The following UNC13B variants were observed in gnomAD, a reference collection of about 807,000 sequenced individuals.
UNC13B encodes the protein protein unc-13 homolog B.
UNC13B carries 144 observed loss-of-function variants against 211.0 expected under a neutral mutation model. That is an observed-to-expected ratio of 0.68 (90% confidence interval 0.60 to 0.78). The LOEUF is 0.78. UNC13B is among the 30% of genes least tolerant of loss of function. UNC13B has a pLI of 0.00. For missense variants in UNC13B, 1,777 were observed against 2,002.0 expected, an observed-to-expected ratio of 0.89 and a Z score of 2.14; for synonymous variants, 709 against 725.8, an observed-to-expected ratio of 0.98 and a Z score of 0.37.
At chr9:35,369,990 G>A (rs1356676413) in intron 12 of UNC13B, among the ~76,000 whole-genome samples, 1 of 152,162 alleles carries the variant, frequency 6.6e-6, no homozygotes, top group Non-Finnish European at 1.5e-5. Context: ...GCCCTCTTGA[G>A]TGCCAATTCC....
At chr9:35,236,786 C>T (rs117027986) in intron 4 of UNC13B, among the ~76,000 whole-genome samples, 200 bp downstream of exon 4, 6,482 of 152,274 alleles carry the variant, frequency 0.043, 195 homozygotes, top group Non-Finnish European at 0.066. Context: ...ACCCTGTGTC[C>T]TGTGACAACT....
At chr9:35,187,095 A>G (rs1195696894) in intron 1 of UNC13B, among the ~76,000 whole-genome samples, 3 of 152,224 alleles carry the variant, frequency 2.0e-5, no homozygotes, top group Non-Finnish European at 4.4e-5. Flanking sequence ...AGGTGCTACC[A>G]TCTATAGGTC....
At chr9:35,333,378 T>G (rs1432423401) in intron 11 of UNC13B, among the ~76,000 whole-genome samples, 2 of 152,206 alleles carry the variant, frequency 1.3e-5, no homozygotes, top group Admixed American at 1.3e-4. Flanking sequence ...CTGTGTAACC[T>G]TAGGCTTAGG....
intron 15 of UNC13B, among the ~76,000 whole-genome samples, chr9:35,376,458 G>A (rs553347023): frequency 3.9e-5 from 6 of 152,300 alleles, no homozygotes; most frequent in South Asian, 2.1e-4. Flanking sequence ...AGCACCTTTA[G>A]GAAAAATTCT....
intron 1 of UNC13B, among the ~76,000 whole-genome samples, chr9:35,211,199 A>C (rs1823947669): frequency 6.6e-6 from 1 of 152,222 alleles, no homozygotes; most frequent in Non-Finnish European, 1.5e-5. Flanking sequence ...AAATCTTCTC[A>C]TGTCTTCCTC....
intron 6 of UNC13B, among the ~76,000 whole-genome samples, chr9:35,245,340 T>TTTTTTTTTTAATTTTTAATTTTTTAA (rs1445627311): frequency 5.9e-5 from 9 of 151,976 alleles, no homozygotes; most frequent in African/African-American, 2.2e-4. Context: ...GCTTTCTGTT[T>TTTTTTTTTTAATTTTTAATTTTTTAA]TTTTTTTTTA....
chr9:35,280,759 C>G (rs771456676), intron 7 of UNC13B, among the ~76,000 whole-genome samples: 26 of 152,206 alleles, frequency 1.7e-4, no homozygotes, highest in Non-Finnish European at 2.4e-4. Flanking sequence ...TTATTTCTAT[C>G]CTGGCTTCCT....
intron 1 of UNC13B, among the ~76,000 whole-genome samples, chr9:35,216,833 G>A (rs1195732922): frequency 6.6e-6 from 1 of 152,112 alleles, no homozygotes; most frequent in Non-Finnish European, 1.5e-5. Flanking sequence ...TGGCATATTG[G>A]ATATAAAAAC....
intron 6 of UNC13B, among the ~76,000 whole-genome samples, chr9:35,252,173 T>A (rs1413239957): frequency 6.6e-6 from 1 of 152,198 alleles, no homozygotes; most frequent in Non-Finnish European, 1.5e-5. Flanking sequence ...AGTTCATTTT[T>A]GTGATAGAGG....
In UNC13B at chr9:35,386,238, C is replaced by CAT; in HGVS notation, c.11042_11043dup (p.Glu3682MetfsTer18). On this transcript the variant is annotated frameshift_variant, in exon 24 of 40. Transcript: ENST00000635942. LOFTEE classifies it high-confidence loss of function. ...TGTGTGAAGGCCTGTTTGAACTCCA[C>CAT]ATATGAATATATCTTCAACAACTGC... 6.2e-7 allele frequency: 1 copy of CAT among 1,614,194 alleles called. No homozygotes were observed. The highest frequency in any genetic ancestry group is 8.5e-7 in the Non-Finnish European group (1 of 1,180,028).
Position 35,349,920 on chromosome 9 carries a change from A to G in UNC13B, c.9415-17027A>G, listed in dbSNP as rs1028100744. On this transcript the variant is annotated intron_variant, in intron 11 of 39. Coordinates refer to ENST00000635942, the MANE Select transcript of UNC13B (RefSeq NM_001371189.2). ...TTCTTTAAGGCATTTTCCCACTTTTAGGATTAACTTGAGTACTGGGAAAAT... is the reference window on the plus strand; with the variant it reads ...TTCTTTAAGGCATTTTCCCACTTTTGGGATTAACTTGAGTACTGGGAAAAT... Among the ~76,000 whole-genome samples the G allele has an allele frequency of 5.3e-5, 8 of 152,196 alleles. No individual in the cohort carries two copies. In the South Asian group the frequency reaches 1.4e-3, roughly 28 times the overall value.
intron 9 of UNC13B, among the ~76,000 whole-genome samples, chr9:35,309,222 AGTGTGTGTGTGTGTGT>A (rs5897599): frequency 8.3e-5 from 12 of 145,248 alleles, no homozygotes; most frequent in East Asian, 2.0e-4. Context: ...GGTCAGGGTC[AGTGTGTGTGTGTGTGT>A]GTGTGTGTGT....
chr9:35,381,255 G>A, intron 19 of UNC13B, 40 bp downstream of exon 19: 1 of 1,552,792 alleles, frequency 6.4e-7, no homozygotes, highest in Non-Finnish European at 8.8e-7. Context: ...AGAAAGCAGT[G>A]CTGGGAGAGG....
chr9:35,192,477 C>T (rs754726561), intron 1 of UNC13B, among the ~76,000 whole-genome samples: 77 of 152,184 alleles, frequency 5.1e-4, no homozygotes, highest in Non-Finnish European at 2.4e-4. Context: ...AGGTTAAACA[C>T]CTGAGTTAAA....
At chr9:35,282,586 C>G (rs971871463) in intron 7 of UNC13B, among the ~76,000 whole-genome samples, 6 of 152,064 alleles carry the variant, frequency 3.9e-5, no homozygotes, top group African/African-American at 1.4e-4. Context: ...CACATGCCAC[C>G]ACACCCGGAT....
intron 1 of UNC13B, among the ~76,000 whole-genome samples, chr9:35,205,011 G>T (rs922125906): frequency 6.6e-6 from 1 of 152,160 alleles, no homozygotes; most frequent in African/African-American, 2.4e-5. Context: ...GGAGGTGATG[G>T]ATAATGGGGT....
intron 1 of UNC13B, among the ~76,000 whole-genome samples, chr9:35,163,034 A>G (rs1483437339): frequency 5.9e-5 from 9 of 152,214 alleles, no homozygotes; most frequent in African/African-American, 2.4e-5. Flanking sequence ...CTATGTGGGT[A>G]GAGACTGTTT....
chr9:35,238,553 C>CTT (rs34593751), intron 5 of UNC13B, among the ~76,000 whole-genome samples: 3 of 142,964 alleles, frequency 2.1e-5, no homozygotes, highest in African/African-American at 5.1e-5. Flanking sequence ...CATAATTTAT[C>CTT]TTTTTTTTTT....
intron 6 of UNC13B, among the ~76,000 whole-genome samples, chr9:35,257,225 G>T (rs1278660849): frequency 1.3e-5 from 2 of 151,028 alleles, no homozygotes; most frequent in Non-Finnish European, 2.9e-5. Context: ...TTGGGAGGCT[G>T]AGGCGGGTGG....
Sources: allele counts gnomAD v4.1 joint callset (sites outside exome capture counted in the v4.1 genomes callset), GRCh38; gene constraint gnomAD v4.1.1; transcripts MANE v1.5; gene names NCBI Gene and HGNC (gene_info 2026-07-23, HGNC 2026-07-21).